Variants in CPEB3 observed in about 807,000 individuals in gnomAD.
CPEB3 encodes cytoplasmic polyadenylation element-binding protein 3.
Under a neutral mutation model 67.2 loss-of-function variants are expected in CPEB3, and 20 were observed. That is an observed-to-expected ratio of 0.30 (90% CI 0.21 to 0.43). CPEB3 has a LOEUF of 0.43. Ranked by LOEUF, CPEB3 falls within the 20% of genes least tolerant of loss-of-function variation. The pLI is 1.00. For synonymous variants in CPEB3, 376 were observed against 393.1 expected, an observed-to-expected ratio of 0.96 and a Z score of 0.51; for missense variants, 746 against 968.6, an observed-to-expected ratio of 0.77 and a Z score of 3.05.
chr10:92,116,260 A>AT (rs1158057425), intron 6 of CPEB3, among the ~76,000 whole-genome samples: 54 of 134,354 alleles, frequency 4.0e-4, no homozygotes, highest in Non-Finnish European at 7.1e-4. Flanking sequence ...AGTAAAAAAA[A>AT]AAAAAAATAA....
intron 1 of CPEB3, among the ~76,000 whole-genome samples, chr10:92,284,410 C>A (rs1415929303): frequency 3.3e-5 from 5 of 152,114 alleles, no homozygotes; most frequent in African/African-American, 1.2e-4. Flanking sequence ...GGGCAAAATT[C>A]CTTAAACTGG....
In CPEB3 at chr10:92,177,876, G is replaced by GT. The variant is rs1306511947; in HGVS notation, c.1222+3086dup. 1.3e-4 allele frequency among the ~76,000 whole-genome samples: 20 copies of GT among 152,142 alleles called. No homozygotes were observed. In the South Asian group the frequency reaches 3.9e-3, roughly 30 times the overall value. On this transcript the variant is annotated intron_variant, in intron 4 of 9. Coordinates refer to ENST00000265997, the MANE Select transcript of CPEB3 (RefSeq NM_014912.5). ...GACAGGTTTTGGTGAGGTCAAGAAA[G>GT]TAAAAAAAGGATGGAAGATTTTTTG...
At chr10:92,181,670 T>A (rs541992247) in intron 3 of CPEB3, among the ~76,000 whole-genome samples, 1 of 152,348 alleles carries the variant, frequency 6.6e-6, no homozygotes, top group East Asian at 1.9e-4. Flanking sequence ...CTGACACAGC[T>A]GGCTTCCTGT....
intron 2 of CPEB3, among the ~76,000 whole-genome samples, chr10:92,222,093 C>CCTAT (rs1850730121): frequency 6.6e-6 from 1 of 152,028 alleles, no homozygotes; most frequent in African/African-American, 2.4e-5. Flanking sequence ...AAAAAATATC[C>CCTAT]ACAGCACATT....
chr10:92,242,031 C>T (rs1417193075), intron 1 of CPEB3, among the ~76,000 whole-genome samples: 1 of 152,136 alleles, frequency 6.6e-6, no homozygotes, highest in Non-Finnish European at 1.5e-5. Context: ...TTAAAATCAA[C>T]ATATCAGAAA....
At chr10:92,269,066 G>A (rs1248293421) in intron 1 of CPEB3, among the ~76,000 whole-genome samples, 2 of 152,160 alleles carry the variant, frequency 1.3e-5, no homozygotes, top group East Asian at 1.9e-4. Context: ...AATGAGTAAG[G>A]AAGCTGGATC....
At chr10:92,184,075 G>A (rs548983398) in intron 3 of CPEB3, among the ~76,000 whole-genome samples, 5 of 152,286 alleles carry the variant, frequency 3.3e-5, no homozygotes, top group African/African-American at 1.2e-4. Flanking sequence ...AGATGAAACT[G>A]AAAGGAAGCT....
intron 1 of CPEB3, among the ~76,000 whole-genome samples, chr10:92,290,196 T>C (rs1055258141): frequency 6.6e-6 from 1 of 152,196 alleles, no homozygotes. Context: ...ACCAGCGTCC[T>C]ACCAATCACA....
chr10:92,276,939 A>T (rs1181912382), intron 1 of CPEB3, among the ~76,000 whole-genome samples: 1 of 152,160 alleles, frequency 6.6e-6, no homozygotes, highest in African/African-American at 2.4e-5. Flanking sequence ...CTGATTAATG[A>T]TGGTGAGCAT....
intron 4 of CPEB3, among the ~76,000 whole-genome samples, chr10:92,176,349 T>C (rs1349365128): frequency 1.3e-5 from 2 of 152,252 alleles, no homozygotes; most frequent in African/African-American, 2.4e-5. Context: ...TCCTGATTGC[T>C]ATCTCCATTT....
At chr10:92,225,010 C>G (rs1850898674) in intron 2 of CPEB3, among the ~76,000 whole-genome samples, 1 of 149,656 alleles carries the variant, frequency 6.7e-6, no homozygotes, top group Non-Finnish European at 1.5e-5. Flanking sequence ...GAGTCACACT[C>G]TGTCGCCAGG....
intron 1 of CPEB3, among the ~76,000 whole-genome samples, chr10:92,263,492 A>C (rs1029421298): frequency 6.6e-6 from 1 of 152,244 alleles, no homozygotes; most frequent in East Asian, 1.9e-4. Context: ...TAGAATCTAT[A>C]CTTAAGTGTA....
At chr10:92,087,383 G>C (rs923962745) in intron 8 of CPEB3, among the ~76,000 whole-genome samples, 2 of 152,186 alleles carry the variant, frequency 1.3e-5, no homozygotes, top group Non-Finnish European at 2.9e-5. Context: ...AGGAAAGATA[G>C]AACCAAAAGA....
intron 1 of CPEB3, among the ~76,000 whole-genome samples, chr10:92,255,723 G>A (rs1852487084): frequency 6.6e-6 from 1 of 152,184 alleles, no homozygotes. Flanking sequence ...AAGCCATTAA[G>A]CTTGTGATGA....
Position 92,049,359 on chromosome 10 carries a change from C to T in CPEB3, c.*2853G>A, listed in dbSNP as rs775358047. ...AAGGCCACAGCAGGACCTGTGTTACCCAGGGGCTTCCCAGTCAAGTTGCAG... is the reference window on the plus strand; with the variant it reads ...AAGGCCACAGCAGGACCTGTGTTACTCAGGGGCTTCCCAGTCAAGTTGCAG... On this transcript the variant is annotated 3_prime_UTR_variant, in exon 10 of 10. Coordinates refer to ENST00000265997, the MANE Select transcript of CPEB3 (RefSeq NM_014912.5). 1 of 152,346 alleles carries T rather than the reference C, an allele frequency of 6.6e-6. No individual in the cohort carries two copies. The highest frequency in any genetic ancestry group is 1.5e-5 in the Non-Finnish European group (1 of 68,002). The allele number at this position is 152,346 out of a possible 1,614,324, so 9.4% of individuals were successfully genotyped here.
At chr10:92,207,170 A>G (rs571544037) in intron 2 of CPEB3, among the ~76,000 whole-genome samples, 21 of 152,104 alleles carry the variant, frequency 1.4e-4, no homozygotes, top group African/African-American at 5.1e-4. Flanking sequence ...TTTTGTAGAG[A>G]CAGGGTTTTG....
At position 92,051,969 on chromosome 10, in the gene CPEB3, C is replaced by CA. The variant is rs749287737; in HGVS notation, c.*242dup. 9 of 418,940 alleles carry CA rather than the reference C, an allele frequency of 2.1e-5. No individual in the cohort carries two copies. The highest frequency in any genetic ancestry group is 3.8e-5 in the Non-Finnish European group (9 of 234,716). The allele number at this position is 418,940 out of a possible 1,614,324, so 26.0% of individuals were successfully genotyped here. A position where few individuals can be genotyped will look rare whatever the true frequency, so the allele number is the denominator to read the frequency against. On this transcript the variant is annotated 3_prime_UTR_variant, in exon 10 of 10. Coordinates refer to ENST00000265997, the MANE Select transcript of CPEB3 (RefSeq NM_014912.5). ...ATAAAAAATTAAGGTACCAAGCAGACAAAGGTGTGAATCAAAGTGCAAATC... is the reference window on the plus strand; with the variant it reads ...ATAAAAAATTAAGGTACCAAGCAGACAAAAGGTGTGAATCAAAGTGCAAATC...
intron 9 of CPEB3, among the ~76,000 whole-genome samples, chr10:92,071,070 TACACACACACACACACAC>T (rs58497259): frequency 1.4e-5 from 2 of 147,616 alleles, no homozygotes; most frequent in African/African-American, 2.5e-5. Flanking sequence ...CACTTTCATT[TACACACACACACACACAC>T]ACACACACAC....
Position 92,192,693 on chromosome 10 carries a change from C to T in CPEB3, c.1006-57G>A, listed in dbSNP as rs113282442. 2,848 of 1,358,528 alleles carry T rather than the reference C, an allele frequency of 2.1e-3. 61 individuals carry two copies. The African/African-American group carries it at 0.036, about 17-fold the overall frequency. 84.2% of individuals were successfully genotyped at this position (1,358,528 alleles called of 1,614,324 possible). On this transcript the variant is annotated intron_variant, in intron 2 of 9. Transcript: ENST00000265997. ...TAAAATTACTTCATAAAATTAACACCATATCATTTGCTTCCTGCTGTGGAT... is the reference window on the plus strand; with the variant it reads ...TAAAATTACTTCATAAAATTAACACTATATCATTTGCTTCCTGCTGTGGAT...
Sources: gnomAD v4.1 joint callset for allele counts (sites outside exome capture counted in the v4.1 genomes callset) on GRCh38, gnomAD v4.1.1 for gene constraint, MANE v1.5 for transcripts, NCBI Gene and HGNC (gene_info 2026-07-23, HGNC 2026-07-21) for gene names.